ANKRD36: variants seen among roughly 807,000 people sequenced by gnomAD.
ANKRD36 encodes the protein ankyrin repeat domain-containing protein 36A.
Under a neutral mutation model 278.1 loss-of-function variants are expected in ANKRD36, and 179 were observed. The ratio of observed to expected loss-of-function variants is 0.64; its 90% CI spans 0.57 to 0.73. The LOEUF (loss-of-function observed/expected upper bound fraction) is 0.73. ANKRD36 is among the 30% of genes least tolerant of loss of function. The pLI, the probability that ANKRD36 is intolerant of heterozygous loss-of-function variation, is 0.00. For synonymous variants in ANKRD36, 320 were observed against 641.1 expected, an observed-to-expected ratio of 0.50 and a Z score of 7.57; for missense variants, 1,159 against 1,956.7, an observed-to-expected ratio of 0.59 and a Z score of 7.69.
At chr2:97,125,657 C>T (rs1340438231) in intron 5 of ANKRD36, among the ~76,000 whole-genome samples, 1 of 151,306 alleles carries the variant, frequency 6.6e-6, no homozygotes, top group African/African-American at 2.4e-5. Flanking sequence ...TCTATGCCAT[C>T]CTTCCTTAGA....
At chr2:97,149,469 A>G (rs1300939219) in intron 12 of ANKRD36, 108 bp downstream of exon 12, 15 of 918,412 alleles carry the variant, frequency 1.6e-5, no homozygotes, top group Non-Finnish European at 2.0e-5. Flanking sequence ...TTATGTTACT[A>G]TTAAAACTTT....
chr2:97,220,775 A>ATTTTTTT (rs58512786), intron 66 of ANKRD36, among the ~76,000 whole-genome samples: 12 of 62,710 alleles, frequency 1.9e-4, no homozygotes, highest in Admixed American at 3.7e-4. Flanking sequence ...TTTTTTTTTA[A>ATTTTTTT]TTTTTTTTTT....
chr2:97,183,787 G>A lies in ANKRD36; in HGVS notation c.1939+133G>A, dbSNP rs1461924673. The A allele has an allele frequency of 6.2e-6, 8 of 1,281,570 alleles. 1 individual carries two copies. In the South Asian group the frequency reaches 8.8e-5, roughly 14 times the overall value. 79.4% of individuals were successfully genotyped at this position (1,281,570 alleles called of 1,614,324 possible). ...GCAGGCCTGAGATTATGCATTTCTA[G>A]TAAGTTGTCAGGTGGTGCTGATGCT... On this transcript the variant is annotated intron_variant, in intron 28 of 75. Transcript: ENST00000420699.
At chr2:97,138,878 A>G (rs1338244732) in intron 6 of ANKRD36, among the ~76,000 whole-genome samples, 1 of 152,100 alleles carries the variant, frequency 6.6e-6, no homozygotes, top group Non-Finnish European at 1.5e-5. Context: ...GGCTAGCCTT[A>G]TGCAGGAAAC....
At chr2:97,193,630 C>A (rs553251734) in intron 38 of ANKRD36, among the ~76,000 whole-genome samples, 9 of 151,524 alleles carry the variant, frequency 5.9e-5, no homozygotes, top group Admixed American at 2.0e-4. Context: ...AAAATATTTG[C>A]TTTTGGCTAC....
rs1224765712 is a variant in ANKRD36, at chr2:97,202,224, C to A, written c.2880C>A (p.Ala960=). 6.2e-7 allele frequency: 1 copy of A among 1,609,504 alleles called. No individual in the cohort carries two copies. The highest frequency in any genetic ancestry group is 8.5e-7 in the Non-Finnish European group (1 of 1,178,636). The change falls in exon 47 of 76, where the codon GCC becomes GCA. Residue 960 remains alanine (A), a synonymous_variant. Transcript: ENST00000420699. The stretch of plus-strand genomic sequence containing the variant: ...CAGTGTCTTCTCAGAAACCACCAGC[C>A]TTGAAGGTAATGAAACTCCCATTTA... ...SRKVSSQKPP[A]LKGTSDEEDS...
chr2:97,153,859 T>G (rs1334655128), intron 14 of ANKRD36, among the ~76,000 whole-genome samples: 1 of 146,634 alleles, frequency 6.8e-6, no homozygotes, highest in Admixed American at 6.8e-5. Flanking sequence ...ATTTAGATAG[T>G]GATGAATGAA....
intron 15 of ANKRD36, among the ~76,000 whole-genome samples, chr2:97,157,905 C>T (rs1426786383): frequency 6.6e-6 from 1 of 151,598 alleles, no homozygotes; most frequent in Non-Finnish European, 1.5e-5. Context: ...AAAGGAGTAA[C>T]ATTTTGAGAA....
intron 36 of ANKRD36, 80 bp downstream of exon 36, chr2:97,191,261 G>A: frequency 1.4e-6 from 2 of 1,407,036 alleles, no homozygotes; most frequent in African/African-American, 1.5e-5. Flanking sequence ...ATTGGCCTGG[G>A]GCTCGTCGAA....
In ANKRD36 at chr2:97,225,803, G is replaced by C. The variant is rs537283687; in HGVS notation, c.3951+924G>C. ...CCCCAACCCCACAACAGTCCCCAGA[G>C]TGTGATGTTCCCCTTCCTGTGTCCA... On this transcript the variant is annotated intron_variant, in intron 67 of 75. Transcript: ENST00000420699. Among the ~76,000 whole-genome samples, 5 of 141,464 alleles carry C rather than the reference G, an allele frequency of 3.5e-5. No homozygotes were observed. In the South Asian group the frequency reaches 1.2e-3, roughly 35 times the overall value. 92.8% of individuals were successfully genotyped at this position (141,464 alleles called of 152,430 possible). A position where few individuals can be genotyped will look rare whatever the true frequency, so the allele number is the denominator to read the frequency against.
chr2:97,154,368 A>T (rs111950283), intron 14 of ANKRD36, among the ~76,000 whole-genome samples: 3,424 of 105,410 alleles, frequency 0.032, 3 homozygotes, highest in Non-Finnish European at 0.047. Flanking sequence ...TATAAGGACA[A>T]ATTATTGTCT....
At chr2:97,128,457 A>T (rs2039197767) in intron 6 of ANKRD36, among the ~76,000 whole-genome samples, 1 of 151,166 alleles carries the variant, frequency 6.6e-6, no homozygotes, top group African/African-American at 2.4e-5. Flanking sequence ...AGATTACTCA[A>T]AAGCCAATTA....
intron 42 of ANKRD36, among the ~76,000 whole-genome samples, chr2:97,197,288 A>G (rs1455863071): frequency 6.6e-6 from 1 of 151,920 alleles, no homozygotes; most frequent in Non-Finnish European, 1.5e-5. Context: ...CATTTGTATA[A>G]TTTTGGGGTT....
intron 66 of ANKRD36, among the ~76,000 whole-genome samples, chr2:97,224,397 A>C (rs564179896): frequency 3.3e-5 from 5 of 151,952 alleles, no homozygotes. Flanking sequence ...GCTTCGTTGA[A>C]ACACTTTTAT....
intron 54 of ANKRD36, 108 bp downstream of exon 54, chr2:97,208,114 G>A (rs1262171701): frequency 6.0e-6 from 7 of 1,166,930 alleles, no homozygotes; most frequent in East Asian, 2.6e-5. Context: ...TTCTGATTCA[G>A]CAGTCCTGAG....
At chr2:97,224,406 AT>A (rs2068662964) in intron 66 of ANKRD36, among the ~76,000 whole-genome samples, 1 of 146,406 alleles carries the variant, frequency 6.8e-6, no homozygotes, top group Non-Finnish European at 1.5e-5. Context: ...AAACACTTTT[AT>A]TTTCTGGTTT....
At chr2:97,165,689 A>G (rs1208376709) in intron 20 of ANKRD36, among the ~76,000 whole-genome samples, 5 of 149,718 alleles carry the variant, frequency 3.3e-5, no homozygotes, top group African/African-American at 9.8e-5. Flanking sequence ...CAGGTGTCAA[A>G]TGATAGTCTC....
At chr2:97,143,869 A>G (rs2153452663) in intron 8 of ANKRD36, among the ~76,000 whole-genome samples, 1 of 152,112 alleles carries the variant, frequency 6.6e-6, no homozygotes, top group East Asian at 1.9e-4. Flanking sequence ...TGAGTGGGTG[A>G]AGAAACTTTC....
At chr2:97,173,964 T>TA (rs956065719) in intron 22 of ANKRD36, among the ~76,000 whole-genome samples, 25 of 146,856 alleles carry the variant, frequency 1.7e-4, no homozygotes, top group Non-Finnish European at 2.9e-4. Context: ...AAACTAGATT[T>TA]AAAAAAAAAA....
Sources: allele counts gnomAD v4.1 joint callset (sites outside exome capture counted in the v4.1 genomes callset), GRCh38; gene constraint gnomAD v4.1.1; transcripts MANE v1.5; gene names NCBI Gene and HGNC (gene_info 2026-07-23, HGNC 2026-07-21).